SLC24A4: variants seen among roughly 807,000 people sequenced by gnomAD.
SLC24A4 encodes the protein solute carrier family 24 member 4.
Under a neutral mutation model 79.0 loss-of-function variants are expected in SLC24A4, and 53 were observed. The ratio of observed to expected loss-of-function variants is 0.67; its 90% CI spans 0.54 to 0.84. The LOEUF is 0.84. Among genes scored for constraint, SLC24A4 ranks in the 40% least tolerant of loss-of-function variants. The pLI is 0.00. For synonymous variants in SLC24A4, 323 were observed against 323.8 expected (o/e 1.00, Z 0.03); for missense variants, 731 against 822.0 (o/e 0.89, Z 1.35).
chr14:92,479,675 T>C (rs1230416798), intron 12 of SLC24A4, among the ~76,000 whole-genome samples: 1 of 152,214 alleles, frequency 6.6e-6, no homozygotes, highest in African/African-American at 2.4e-5. Flanking sequence ...TTCTTTACTC[T>C]TGATGTCTTT....
At chr14:92,339,130 A>C (rs1206233209) in intron 2 of SLC24A4, among the ~76,000 whole-genome samples, 1 of 152,192 alleles carries the variant, frequency 6.6e-6, no homozygotes, top group Admixed American at 6.5e-5. Flanking sequence ...TTGATGGAGC[A>C]ACCCTATCTG....
intron 2 of SLC24A4, among the ~76,000 whole-genome samples, chr14:92,358,727 C>T (rs1292978422): frequency 2.8e-5 from 4 of 144,418 alleles, no homozygotes; most frequent in Non-Finnish European, 4.5e-5. Flanking sequence ...GATGGAGTCT[C>T]GCTCTGTCAC....
chr14:92,463,659 T>A lies in SLC24A4; in HGVS notation c.1255+7051T>A, dbSNP rs138472544. On this transcript the variant is annotated intron_variant, in intron 12 of 16. Transcript: ENST00000532405. ...CGTCCTTATTTTTTCATATAACAGG[T>A]CTTTTTCACTTATCATAATATTCAT... Among the ~76,000 whole-genome samples the A allele has an allele frequency of 6.3e-3, 959 of 152,266 alleles. 7 individuals are homozygous for A. The highest frequency in any genetic ancestry group is 0.022 in the African/African-American group (903 of 41,544).
intron 2 of SLC24A4, among the ~76,000 whole-genome samples, chr14:92,431,925 G>A (rs1458684796): frequency 6.6e-6 from 1 of 152,214 alleles, no homozygotes; most frequent in Non-Finnish European, 1.5e-5. Context: ...CCTTGGACGA[G>A]GAACATCAGG....
chr14:92,431,780 G>A (rs1291973527), intron 2 of SLC24A4, among the ~76,000 whole-genome samples: 3 of 152,204 alleles, frequency 2.0e-5, no homozygotes, highest in Admixed American at 2.0e-4. Context: ...CCACTGAGGA[G>A]ACAGAGGATC....
intron 12 of SLC24A4, among the ~76,000 whole-genome samples, chr14:92,477,844 G>A (rs1894857210): frequency 6.8e-6 from 1 of 146,902 alleles, no homozygotes; most frequent in South Asian, 2.1e-4. Flanking sequence ...GTGCAGTGGT[G>A]TGATCTTAGC....
chr14:92,419,216 G>A (rs1566752947), intron 2 of SLC24A4, among the ~76,000 whole-genome samples: 2 of 152,132 alleles, frequency 1.3e-5, no homozygotes, highest in African/African-American at 2.4e-5. Flanking sequence ...ACCATCACAC[G>A]TGGCTGGCAA....
At chr14:92,374,301 A>C (rs1354498583) in intron 2 of SLC24A4, among the ~76,000 whole-genome samples, 1 of 152,198 alleles carries the variant, frequency 6.6e-6, no homozygotes, top group African/African-American at 2.4e-5. Context: ...CTCATTCGAG[A>C]AGACCAAGGC....
Position 92,500,920 on chromosome 14 carries a change from A to C in SLC24A4, c.*7292A>C, listed in dbSNP as rs1442527746. On this transcript the variant is annotated 3_prime_UTR_variant, in exon 17 of 17. Coordinates refer to ENST00000532405, the MANE Select transcript of SLC24A4 (RefSeq NM_153646.4). ...GGGTAGATACAGGAGTTGCTAAGGA[A>C]GGGGCCGAGCCAGGAGAGGCCAGGC... 3 of 152,326 alleles carry C rather than the reference A, an allele frequency of 2.0e-5. No individual in the cohort carries two copies. Among genetic ancestry groups the C allele is most frequent in the African/African-American group, 4.8e-5 (2 of 41,462 alleles). The allele number at this position is 152,326 out of a possible 1,614,324, so 9.4% of individuals were successfully genotyped here. A position where few individuals can be genotyped will look rare whatever the true frequency, so the allele number is the denominator to read the frequency against.
At chr14:92,428,003 C>T (rs1349713314) in intron 2 of SLC24A4, among the ~76,000 whole-genome samples, 3 of 152,158 alleles carry the variant, frequency 2.0e-5, no homozygotes, top group East Asian at 3.9e-4. Flanking sequence ...CACCAGACAC[C>T]GAATCTGCCA....
Position 92,472,530 on chromosome 14 carries a change from T to G in SLC24A4, c.1256-10150T>G, listed in dbSNP as rs561005070. 2.3e-3 allele frequency among the ~76,000 whole-genome samples: 348 copies of G among 152,278 alleles called. 1 individual carries two copies. Among genetic ancestry groups the G allele is most frequent in the African/African-American group, 8.2e-3 (339 of 41,560 alleles). On this transcript the variant is annotated intron_variant, in intron 12 of 16. Transcript: ENST00000532405. Reference sequence around the variant, plus strand: ...TTTTCCGTTCCTGAGTTACTTCACATAGAATAATAGTCCCCAATCCCATCC... The same window carrying G: ...TTTTCCGTTCCTGAGTTACTTCACAGAGAATAATAGTCCCCAATCCCATCC...
chr14:92,434,672 T>A (rs912581158), intron 3 of SLC24A4, among the ~76,000 whole-genome samples: 3 of 152,224 alleles, frequency 2.0e-5, no homozygotes, highest in African/African-American at 7.2e-5. Flanking sequence ...TGCCTAGCTG[T>A]AGGCTAATTA....
chr14:92,324,616 A>C (rs1363475133), intron 1 of SLC24A4, among the ~76,000 whole-genome samples: 1 of 152,210 alleles, frequency 6.6e-6, no homozygotes, highest in Non-Finnish European at 1.5e-5. Flanking sequence ...GCGGGAAGAG[A>C]GAAGGAACTA....
At chr14:92,369,744 G>A (rs1487881327) in intron 2 of SLC24A4, among the ~76,000 whole-genome samples, 1 of 152,124 alleles carries the variant, frequency 6.6e-6, no homozygotes, top group African/African-American at 2.4e-5. Flanking sequence ...GTACATTATA[G>A]GATTTTTAGC....
rs1896023507 is a variant in SLC24A4 at position 92,498,711 on chromosome 14, T to C, written c.*5083T>C. 1 of 152,272 alleles carries C rather than the reference T, an allele frequency of 6.6e-6. No homozygotes were observed. Among genetic ancestry groups the C allele is most frequent in the African/African-American group, 2.4e-5 (1 of 41,450 alleles). 9.4% of individuals were successfully genotyped at this position (152,272 alleles called of 1,614,324 possible). On this transcript the variant is annotated 3_prime_UTR_variant, in exon 17 of 17. Coordinates refer to ENST00000532405, the MANE Select transcript of SLC24A4 (RefSeq NM_153646.4). The stretch of plus-strand genomic sequence containing the variant: ...AGGAGTTTCACCATGCTGACCAGGC[T>C]GGTTTCGAACTCCTGACCTCAAGTG...
At chr14:92,332,947 A>G (rs1261860250) in intron 2 of SLC24A4, among the ~76,000 whole-genome samples, 1 of 152,200 alleles carries the variant, frequency 6.6e-6, no homozygotes, top group African/African-American at 2.4e-5. Context: ...AGAATTTAGG[A>G]TGCTGGAGGA....
intron 2 of SLC24A4, among the ~76,000 whole-genome samples, chr14:92,344,711 T>A (rs1886426336): frequency 6.6e-6 from 1 of 152,094 alleles, no homozygotes; most frequent in Non-Finnish European, 1.5e-5. Context: ...GGATTTCATT[T>A]CAGAGACTGG....
Position 92,454,041 on chromosome 14 carries a change from G to A in SLC24A4, c.1022G>A (p.Arg341Gln), listed in dbSNP as rs923604470. Reference protein sequence around the residue: ...TNKFGPRTRLRMASRIIINER... With the variant: ...TNKFGPRTRLQMASRIIINER... The stretch of plus-strand genomic sequence containing the variant: ...AAGTTTGGACCCAGGACCCGACTAC[G>A]GATGGCCAGCAGGATCATCATTAAT... The change falls in exon 11 of 17, where the codon CGG becomes CAG. Residue 341 changes from arginine (R) to glutamine (Q), a missense_variant. By Grantham distance (43) the Arg-to-Gln change is conservative. Coordinates refer to ENST00000532405, the MANE Select transcript of SLC24A4 (RefSeq NM_153646.4). The A allele has an allele frequency of 1.2e-6, 2 of 1,613,054 alleles. No homozygotes were observed. The highest frequency in any genetic ancestry group is 1.3e-5 in the African/African-American group (1 of 74,890).
chr14:92,372,867 C>CCCCTCCTTCCTTCCTT (rs1279675384), intron 2 of SLC24A4, among the ~76,000 whole-genome samples: 3 of 109,896 alleles, frequency 2.7e-5, no homozygotes, highest in African/African-American at 1.1e-4. Context: ...GGGTCACTGT[C>CCCCTCCTTCCTTCCTT]CCTTCCTTCC....
Sources: gnomAD v4.1 joint callset for allele counts (sites outside exome capture counted in the v4.1 genomes callset) on GRCh38, gnomAD v4.1.1 for gene constraint, MANE v1.5 for transcripts, NCBI Gene and HGNC (gene_info 2026-07-23, HGNC 2026-07-21) for gene names.